CCSER1: variants seen among roughly 807,000 people sequenced by gnomAD.
The protein encoded by CCSER1 is serine-rich coiled-coil domain-containing protein 1.
Under a neutral mutation model 82.0 loss-of-function variants are expected in CCSER1, and 41 were observed. That is an observed-to-expected ratio of 0.50 (90% CI 0.39 to 0.65). The LOEUF is 0.65. Among genes scored for constraint, CCSER1 ranks in the 30% least tolerant of loss-of-function variants. The pLI, the probability that CCSER1 is intolerant of heterozygous loss-of-function variation, is 0.00. For synonymous variants in CCSER1, 414 were observed against 383.9 expected (o/e 1.08, Z -0.92); for missense variants, 1,119 against 1,064.2 (o/e 1.05, Z -0.72).
At chr4:90,827,906 C>G (rs1277517737) in intron 8 of CCSER1, among the ~76,000 whole-genome samples, 1 of 152,014 alleles carries the variant, frequency 6.6e-6, no homozygotes, top group African/African-American at 2.4e-5. Flanking sequence ...CTTATATACC[C>G]TGGTTATAGA....
intron 9 of CCSER1, among the ~76,000 whole-genome samples, chr4:91,052,439 T>C (rs1035903555): frequency 9.9e-5 from 15 of 152,144 alleles, no homozygotes; most frequent in African/African-American, 3.4e-4. Context: ...TATAATCTAT[T>C]GTATTTATTA....
intron 5 of CCSER1, among the ~76,000 whole-genome samples, chr4:90,594,216 G>A (rs1783038091): frequency 6.6e-6 from 1 of 151,902 alleles, no homozygotes; most frequent in South Asian, 2.1e-4. Context: ...GATAAGTAAA[G>A]GATACTATGT....
intron 10 of CCSER1, among the ~76,000 whole-genome samples, chr4:91,581,870 C>T (rs1763743077): frequency 7.0e-6 from 1 of 142,580 alleles, no homozygotes; most frequent in Non-Finnish European, 1.6e-5. Context: ...TCATTAATAA[C>T]ATTAAAAAAT....
At chr4:90,893,758 TGTGTGTGTGTGTGTGTGC>T (rs1723276945) in intron 8 of CCSER1, among the ~76,000 whole-genome samples, 1 of 127,528 alleles carries the variant, frequency 7.8e-6, no homozygotes, top group African/African-American at 3.4e-5. Context: ...TGAATTCTTG[TGTGTGTGTGTGTGTGTGC>T]GTGTGTGTGT....
chr4:90,472,926 T>A (rs1223347626), intron 5 of CCSER1, among the ~76,000 whole-genome samples: 1 of 152,154 alleles, frequency 6.6e-6, no homozygotes, highest in African/African-American at 2.4e-5. Context: ...GAGGTCATTA[T>A]CCTAAGTGAA....
chr4:91,476,124 AT>A (rs1472412811), intron 10 of CCSER1, among the ~76,000 whole-genome samples: 2 of 151,848 alleles, frequency 1.3e-5, no homozygotes, highest in Non-Finnish European at 3.0e-5. Flanking sequence ...TTGCTTCAAT[AT>A]ACTGATTTCC....
At chr4:91,121,957 A>G (rs58438006) in intron 10 of CCSER1, among the ~76,000 whole-genome samples, 50,072 of 151,316 alleles carry the variant, frequency 0.33, 8,792 homozygotes, top group East Asian at 0.46. Flanking sequence ...CCATTTTAAC[A>G]TATAAAAAGT....
At chr4:91,215,453 A>G (rs368354372) in intron 10 of CCSER1, among the ~76,000 whole-genome samples, 95 of 152,190 alleles carry the variant, frequency 6.2e-4, no homozygotes, top group African/African-American at 2.0e-3. Context: ...AGGTCCCACA[A>G]TAGTCTGTCT....
intron 7 of CCSER1, among the ~76,000 whole-genome samples, chr4:90,733,717 G>A (rs2149413186): frequency 6.6e-6 from 1 of 152,166 alleles, no homozygotes; most frequent in Middle Eastern, 3.4e-3. Context: ...TCAGAGATAG[G>A]GGTCTAGTTT....
chr4:90,974,554 T>C (rs1735431636), intron 9 of CCSER1, among the ~76,000 whole-genome samples: 3 of 151,106 alleles, frequency 2.0e-5, no homozygotes, highest in Non-Finnish European at 3.0e-5. Flanking sequence ...ATATTCAAAA[T>C]ACATAAAACA....
At chr4:91,126,661 A>T (rs1042580124) in intron 10 of CCSER1, among the ~76,000 whole-genome samples, 2 of 152,006 alleles carry the variant, frequency 1.3e-5, no homozygotes, top group Admixed American at 1.3e-4. Context: ...GATGTTTTAC[A>T]TATTCTGTTA....
chr4:91,495,607 T>C (rs1477713927), intron 10 of CCSER1, among the ~76,000 whole-genome samples: 2 of 151,592 alleles, frequency 1.3e-5, no homozygotes, highest in African/African-American at 4.8e-5. Flanking sequence ...TTCAATTCCA[T>C]GAGTCATTCC....
intron 10 of CCSER1, among the ~76,000 whole-genome samples, chr4:91,458,994 T>A (rs1212805364): frequency 6.6e-6 from 1 of 152,144 alleles, no homozygotes; most frequent in African/African-American, 2.4e-5. Context: ...CAAAATATTA[T>A]GATAATGGAA....
intron 9 of CCSER1, among the ~76,000 whole-genome samples, chr4:90,963,400 A>T (rs1718112201): frequency 6.6e-6 from 1 of 152,212 alleles, no homozygotes; most frequent in Admixed American, 6.5e-5. Flanking sequence ...ATATTATGAA[A>T]TACATATATA....
At chr4:90,442,366 G>T (rs1220037331) in intron 4 of CCSER1, among the ~76,000 whole-genome samples, 1 of 152,056 alleles carries the variant, frequency 6.6e-6, no homozygotes, top group Admixed American at 6.6e-5. Context: ...GTGAACTCTA[G>T]GATTGTCTAC....
chr4:91,016,182 G>A (rs1004623701), intron 9 of CCSER1, among the ~76,000 whole-genome samples: 8 of 151,902 alleles, frequency 5.3e-5, no homozygotes, highest in African/African-American at 1.9e-4. Context: ...GGATGATGTT[G>A]AATAGCTCTA....
intron 10 of CCSER1, among the ~76,000 whole-genome samples, chr4:91,284,150 A>G (rs147290530): frequency 1.9e-3 from 286 of 152,206 alleles, no homozygotes; most frequent in East Asian, 0.011. Flanking sequence ...TCATTTAGCA[A>G]CAATATTAGC....
At chr4:90,540,265 A>G (rs1775942306) in intron 5 of CCSER1, among the ~76,000 whole-genome samples, 1 of 152,098 alleles carries the variant, frequency 6.6e-6, no homozygotes, top group Non-Finnish European at 1.5e-5. Context: ...TATAAAACAC[A>G]TATTTCAGAT....
chr4:90,215,920 T>C (rs1468797846), intron 1 of CCSER1, among the ~76,000 whole-genome samples: 1 of 152,034 alleles, frequency 6.6e-6, no homozygotes, highest in African/African-American at 2.4e-5. Flanking sequence ...ATGTAGGAGG[T>C]GCAGAAGACA....
Sources: gnomAD v4.1 joint callset for allele counts (sites outside exome capture counted in the v4.1 genomes callset) on GRCh38, gnomAD v4.1.1 for gene constraint, MANE v1.5 for transcripts, NCBI Gene and HGNC (gene_info 2026-07-23, HGNC 2026-07-21) for gene names.